The following MAST2 variants were observed in gnomAD, a reference collection of about 807,000 sequenced individuals.
MAST2 encodes the protein microtubule associated serine/threonine kinase 2, also known as microtubule-associated serine/threonine-protein kinase 2.
A neutral mutation model predicts 147.4 loss-of-function variants in MAST2; 70 were observed. That is an observed-to-expected ratio of 0.47 (90% confidence interval 0.39 to 0.58). The LOEUF (loss-of-function observed/expected upper bound fraction) is 0.58. Among genes scored for constraint, MAST2 ranks in the 20% least tolerant of loss-of-function variants. The probability of loss-of-function intolerance (pLI) is 0.00; values close to 1 mark genes in which losing one functional copy is unlikely to be tolerated. For synonymous variants in MAST2, 869 were observed against 896.8 expected (o/e 0.97, Z 0.55); for missense variants, 2,080 against 2,302.3 (o/e 0.90, Z 1.98).
chr1:45,987,854 C>A (rs748940442), intron 5 of MAST2, among the ~76,000 whole-genome samples: 6 of 115,188 alleles, frequency 5.2e-5, no homozygotes, highest in Non-Finnish European at 8.2e-5. Flanking sequence ...CCCAACTGAT[C>A]TTGAACTTTT....
At chr1:45,897,155 ATCT>A (rs1204947199) in intron 4 of MAST2, among the ~76,000 whole-genome samples, 1 of 152,180 alleles carries the variant, frequency 6.6e-6, no homozygotes, top group Non-Finnish European at 1.5e-5. Flanking sequence ...GGACATTAGA[ATCT>A]TCTTGTGCTG....
chr1:45,867,460 C>T (rs1337627574), intron 3 of MAST2, among the ~76,000 whole-genome samples: 2 of 152,120 alleles, frequency 1.3e-5, no homozygotes, highest in African/African-American at 2.4e-5. Flanking sequence ...TTAGAAGTTC[C>T]GTGACAGCAA....
intron 5 of MAST2, among the ~76,000 whole-genome samples, chr1:45,996,537 G>C (rs1298626092): frequency 6.6e-6 from 1 of 152,036 alleles, no homozygotes. Flanking sequence ...GGAAAACCCA[G>C]AGTTCATGCA....
chr1:45,932,700 A>T (rs1453473860), intron 4 of MAST2, among the ~76,000 whole-genome samples: 5 of 152,074 alleles, frequency 3.3e-5, no homozygotes, highest in African/African-American at 1.2e-4. Context: ...ACTCCAAAAA[A>T]AATTTAGTGG....
intron 5 of MAST2, among the ~76,000 whole-genome samples, chr1:45,996,337 A>T (rs1468194014): frequency 6.6e-6 from 1 of 152,026 alleles, no homozygotes; most frequent in Non-Finnish European, 1.5e-5. Context: ...AATCTTTGAC[A>T]TGAGATGACA....
rs925074763 is a variant in MAST2, at chr1:45,943,688, G to A, written c.501-15698G>A. 3.3e-5 allele frequency among the ~76,000 whole-genome samples: 5 copies of A among 152,170 alleles called. No homozygotes were observed. The East Asian group carries it at 5.8e-4, about 18-fold the overall frequency. ...TTGAACCCGGGAGGCAGAGGTTGCC[G>A]TGAGCCAAGATCATGCCGTTGCACT... On this transcript the variant is annotated intron_variant, in intron 4 of 28. Coordinates refer to ENST00000361297, the MANE Select transcript of MAST2 (RefSeq NM_015112.3).
chr1:45,819,112 G>T (rs1644541568), intron 1 of MAST2, among the ~76,000 whole-genome samples: 1 of 151,974 alleles, frequency 6.6e-6, no homozygotes, highest in South Asian at 2.1e-4. Context: ...ACTTAGCCAG[G>T]CATGGTGGCA....
chr1:45,939,987 T>TTTTTTG (rs1194295560), intron 4 of MAST2, among the ~76,000 whole-genome samples: 1 of 130,102 alleles, frequency 7.7e-6, no homozygotes, highest in African/African-American at 2.9e-5. Context: ...AGGGTTTTTT[T>TTTTTTG]TTTTTTTTTT....
intron 1 of MAST2, among the ~76,000 whole-genome samples, chr1:45,804,423 A>G (rs973283249): frequency 2.0e-5 from 3 of 152,128 alleles, no homozygotes; most frequent in African/African-American, 2.4e-5. Flanking sequence ...ATAGAGTAAG[A>G]TGTAAGTCAA....
chr1:45,813,333 T>C (rs960846073), intron 1 of MAST2, among the ~76,000 whole-genome samples: 4 of 151,952 alleles, frequency 2.6e-5, no homozygotes, highest in East Asian at 3.9e-4. Context: ...TTATTATTAT[T>C]ATCATTTTTT....
chr1:45,886,261 G>A (rs1407865157), intron 4 of MAST2, among the ~76,000 whole-genome samples: 1 of 145,202 alleles, frequency 6.9e-6, no homozygotes, highest in East Asian at 2.0e-4. Flanking sequence ...ACTTATATAA[G>A]TATACATATA....
intron 1 of MAST2, among the ~76,000 whole-genome samples, chr1:45,823,138 A>G (rs1352483235): frequency 6.6e-6 from 1 of 151,816 alleles, no homozygotes; most frequent in Non-Finnish European, 1.5e-5. Context: ...CCACCAACCA[A>G]TATTAGTACT....
At chr1:45,866,813 G>T (rs1229521875) in intron 3 of MAST2, among the ~76,000 whole-genome samples, 1 of 151,820 alleles carries the variant, frequency 6.6e-6, no homozygotes, top group Admixed American at 6.6e-5. Context: ...CGTGATCTTG[G>T]CTCATTGCAA....
chr1:45,886,044 G>A (rs932820243), intron 4 of MAST2, among the ~76,000 whole-genome samples: 2 of 151,808 alleles, frequency 1.3e-5, no homozygotes, highest in Admixed American at 6.6e-5. Flanking sequence ...CAGGAGGATC[G>A]CTTGAGTTCA....
chr1:45,897,824 G>A (rs1649004324), intron 4 of MAST2, among the ~76,000 whole-genome samples: 1 of 150,686 alleles, frequency 6.6e-6, no homozygotes, highest in South Asian at 2.1e-4. Flanking sequence ...AACAAATAGA[G>A]CCAGGCACAG....
chr1:45,877,368 A>T lies in MAST2; in HGVS notation c.469-4996A>T, dbSNP rs117340592. On this transcript the variant is annotated intron_variant, in intron 3 of 28. Coordinates refer to ENST00000361297, the MANE Select transcript of MAST2 (RefSeq NM_015112.3). Reference sequence around the variant, plus strand: ...CAATCTCCTGAGTAGCTGGGACTACAGGTGCACATCACCATGCCTGGCTTA... The same window carrying T: ...CAATCTCCTGAGTAGCTGGGACTACTGGTGCACATCACCATGCCTGGCTTA... Among the ~76,000 whole-genome samples the T allele has an allele frequency of 2.9e-3, 445 of 152,266 alleles. 3 individuals carry two copies. Among genetic ancestry groups the T allele is most frequent in the East Asian group, 0.021 (107 of 5,180 alleles).
At chr1:45,809,504 T>C (rs1421522258) in intron 1 of MAST2, among the ~76,000 whole-genome samples, 1 of 151,808 alleles carries the variant, frequency 6.6e-6, no homozygotes, top group Non-Finnish European at 1.5e-5. Context: ...TTAGTCGGGG[T>C]TGGTGGTGCG....
chr1:46,005,622 A>G (rs1051999959), intron 7 of MAST2, among the ~76,000 whole-genome samples: 2 of 152,182 alleles, frequency 1.3e-5, no homozygotes, highest in African/African-American at 4.8e-5. Context: ...TTTAGAATTC[A>G]TGAGTGTTTT....
At chr1:45,855,438 T>C (rs1298256393) in intron 3 of MAST2, among the ~76,000 whole-genome samples, 2 of 152,110 alleles carry the variant, frequency 1.3e-5, no homozygotes, top group African/African-American at 4.8e-5. Context: ...TTAGCATACA[T>C]ATCTTGTATG....
Sources: gnomAD v4.1 joint callset for allele counts (sites outside exome capture counted in the v4.1 genomes callset) on GRCh38, gnomAD v4.1.1 for gene constraint, MANE v1.5 for transcripts, NCBI Gene and HGNC (gene_info 2026-07-23, HGNC 2026-07-21) for gene names.